Variants in PGF observed in about 807,000 individuals in gnomAD.
PGF encodes the protein placenta growth factor.
PGF carries 11 observed loss-of-function variants against 25.3 expected under a neutral mutation model. The ratio of observed to expected loss-of-function variants is 0.43; its 90% CI spans 0.27 to 0.72. The LOEUF (loss-of-function observed/expected upper bound fraction) is 0.72. Ranked by LOEUF, PGF falls within the 30% of genes least tolerant of loss-of-function variation. The pLI, the probability that PGF is intolerant of heterozygous loss-of-function variation, is 0.18. For missense variants in PGF, 230 were observed against 234.9 expected (o/e 0.98, Z 0.14); for synonymous variants, 105 against 97.9 (o/e 1.07, Z -0.43).
In PGF at chr14:74,955,178, A is replaced by G. The variant is rs1888958763; in HGVS notation, c.65T>C (p.Val22Ala). The G allele has an allele frequency of 6.8e-7, 1 of 1,478,750 alleles. No individual in the cohort carries two copies. The highest frequency in any genetic ancestry group is 2.8e-5 in the East Asian group (1 of 35,460). 91.6% of individuals were successfully genotyped at this position (1,478,750 alleles called of 1,614,324 possible). The change falls in exon 1 of 7, where the codon GTG becomes GCG. Residue 22 changes from valine (V) to alanine (A), a missense_variant. Transcript: ENST00000555567. This position sits in a 1 kb window ranked among gnomAD's most constrained non-coding sequence, Gnocchi z 4.1. ...QLLAGLALPA[V>A]PPQQWALSAG... is the part of the protein sequence containing the mutation. Reference sequence around the variant, plus strand: ...GGGGGTAGCTCTTACCTGGGGGGGCACAGCAGGCAGCGCCAGCCCGGCCAG... The same window carrying G: ...GGGGGTAGCTCTTACCTGGGGGGGCGCAGCAGGCAGCGCCAGCCCGGCCAG...
intron 4 of PGF, chr14:74,947,035 G>A (rs1449823160): frequency 1.7e-6 from 1 of 589,828 alleles, no homozygotes; most frequent in Non-Finnish European, 3.0e-6. Flanking sequence ...GGGAACAGTG[G>A]GTAGAGACAT....
rs1399129719 is a variant in PGF, at chr14:74,947,243, G to C, written c.393-835C>G. The C allele has an allele frequency of 2.2e-5, 6 of 277,456 alleles. No homozygotes were observed. The East Asian group carries it at 3.8e-4, about 18-fold the overall frequency. The allele number at this position is 277,456 out of a possible 1,614,324, so 17.2% of individuals were successfully genotyped here. A position where few individuals can be genotyped will look rare whatever the true frequency, so the allele number is the denominator to read the frequency against. On this transcript the variant is annotated intron_variant, in intron 4 of 6. Coordinates refer to ENST00000555567, the MANE Select transcript of PGF (RefSeq NM_002632.6). ...CCAAAAGAGTGGCTGTCAGGGCAAA[G>C]GGGATGGAGAAGGTGACTCTGGGTC...
In PGF at chr14:74,942,885, TGAG is replaced by T. The variant is rs1888637353; in HGVS notation, c.486-155_486-153del. The T allele has an allele frequency of 3.8e-5, 24 of 634,786 alleles. No homozygotes were observed. In the South Asian group the frequency reaches 4.9e-4, roughly 13 times the overall value. The allele number at this position is 634,786 out of a possible 1,614,324, so 39.3% of individuals were successfully genotyped here. ...TCCTGGGTCCCTGCTTGCTTCAAGC[TGAG>T]GAGAAGCTGGGAGCTACCCTTCACC... On this transcript the variant is annotated intron_variant, in intron 6 of 6. Coordinates refer to ENST00000555567, the MANE Select transcript of PGF (RefSeq NM_002632.6).
rs1310629812 is a variant in PGF, at chr14:74,950,534, T to G, written c.119-981A>C. Among the ~76,000 whole-genome samples the G allele has an allele frequency of 2.6e-5, 4 of 152,140 alleles. No homozygotes were observed. In the East Asian group the frequency reaches 7.7e-4, roughly 29 times the overall value. ...CTTTTGGGGGCTGATCTGGAATCCC[T>G]CAAAAGATGCTGCTCTTTCGGGGGA... is the stretch of plus-strand genomic sequence containing the variant. On this transcript the variant is annotated intron_variant, in intron 2 of 6. Transcript: ENST00000555567. This position sits in a 1 kb window ranked among gnomAD's most constrained non-coding sequence, Gnocchi z 4.1.
In PGF at chr14:74,953,866, C is replaced by T; in HGVS notation, c.118+38G>A. ...GGCTTGGGAGAAAGGAAGAGAGGGG[C>T]TTGGGGAGCATGCGTACCCCCAGCC... On this transcript the variant is annotated intron_variant, in intron 2 of 6. Coordinates refer to ENST00000555567, the MANE Select transcript of PGF (RefSeq NM_002632.6). The surrounding 1 kb of genome is among the most constrained non-coding windows in gnomAD (Gnocchi z 5.4). 2 of 1,606,638 alleles carry T rather than the reference C, an allele frequency of 1.2e-6. No homozygotes were observed. The highest frequency in any genetic ancestry group is 2.2e-5 in the East Asian group (1 of 44,850).
In PGF at chr14:74,955,172, G is replaced by A. The variant is rs775694930; in HGVS notation, c.71C>T (p.Pro24Leu). The change falls in exon 1 of 7, where the codon CCC becomes CTC. Residue 24 changes from proline to leucine, a missense_variant. By Grantham distance (98) the Pro-to-Leu change is moderately conservative (BLOSUM62 -3). Transcript: ENST00000555567. This position sits in a 1 kb window ranked among gnomAD's most constrained non-coding sequence, Gnocchi z 4.1. ...CTAGGTGGGGGTAGCTCTTACCTGGGGGGGCACAGCAGGCAGCGCCAGCCC... is the reference window on the plus strand; with the variant it reads ...CTAGGTGGGGGTAGCTCTTACCTGGAGGGGCACAGCAGGCAGCGCCAGCCC... ...LAGLALPAVP[P>L]QQWALSAGNG... 3 of 1,472,416 alleles carry A rather than the reference G, an allele frequency of 2.0e-6. No homozygotes were observed. The highest frequency in any genetic ancestry group is 1.8e-4 in the Middle Eastern group (1 of 5,676). The allele number at this position is 1,472,416 out of a possible 1,614,324, so 91.2% of individuals were successfully genotyped here.
In PGF at chr14:74,942,669, G is replaced by C. The variant is rs759137325; in HGVS notation, c.*37C>G. The C allele has an allele frequency of 8.1e-6, 13 of 1,604,684 alleles. No individual in the cohort carries two copies. The highest frequency in any genetic ancestry group is 1.0e-5 in the Non-Finnish European group (12 of 1,173,766). The stretch of plus-strand genomic sequence containing the variant: ...AAGAGTGTGACGGTAATAAATACAC[G>C]AGCCGGGTGCGGGGTCTCTCTCCTC... On this transcript the variant is annotated 3_prime_UTR_variant, in exon 7 of 7. Transcript: ENST00000555567.
At chr14:74,943,340 G>C (rs1402265892) in intron 6 of PGF, among the ~76,000 whole-genome samples, 2 of 152,126 alleles carry the variant, frequency 1.3e-5, no homozygotes, top group African/African-American at 4.8e-5. Context: ...AAAGTATTCT[G>C]AGGACATGAA....
Position 74,955,139 on chromosome 14 carries a change from G to A in PGF, c.75+29C>T. Reference sequence around the variant, plus strand: ...CAGTGCTGGGATGGGGAGGTCTGGGGAGCCAGGCTAGGTGGGGGTAGCTCT... The same window carrying A: ...CAGTGCTGGGATGGGGAGGTCTGGGAAGCCAGGCTAGGTGGGGGTAGCTCT... On this transcript the variant is annotated intron_variant, in intron 1 of 6. Coordinates refer to ENST00000555567, the MANE Select transcript of PGF (RefSeq NM_002632.6). This position sits in a 1 kb window ranked among gnomAD's most constrained non-coding sequence, Gnocchi z 4.1. 7.4e-7 allele frequency: 1 copy of A among 1,353,368 alleles called. No individual in the cohort carries two copies. The highest frequency in any genetic ancestry group is 9.8e-7 in the Non-Finnish European group (1 of 1,018,506). The allele number at this position is 1,353,368 out of a possible 1,614,324, so 83.8% of individuals were successfully genotyped here. A position where few individuals can be genotyped will look rare whatever the true frequency, so the allele number is the denominator to read the frequency against.
At chr14:74,943,611 A>G (rs897831045) in intron 6 of PGF, among the ~76,000 whole-genome samples, 1 of 152,222 alleles carries the variant, frequency 6.6e-6, no homozygotes, top group Non-Finnish European at 1.5e-5. Context: ...TCTCATCAAT[A>G]AAAAAATGAT....
Position 74,944,392 on chromosome 14 carries a change from G to A in PGF, c.486-1659C>T, listed in dbSNP as rs61759396. On this transcript the variant is annotated intron_variant, in intron 6 of 6. Transcript: ENST00000555567. ...GCTGGGATTACAGGTGTGAGCCACC[G>A]CGCCTGGCCTGCTTGTTCATTTTCT... is the stretch of plus-strand genomic sequence containing the variant. Among the ~76,000 whole-genome samples the A allele has an allele frequency of 2.3e-3, 352 of 152,098 alleles. 2 individuals are homozygous for A. Among genetic ancestry groups the A allele is most frequent in the African/African-American group, 7.5e-3 (311 of 41,458 alleles).
Position 74,949,376 on chromosome 14 carries a change from G to A in PGF, c.296C>T (p.Thr99Met), listed in dbSNP as rs1011228776. The A allele has an allele frequency of 7.6e-6, 12 of 1,577,036 alleles. No individual in the cohort carries two copies. The highest frequency in any genetic ancestry group is 6.8e-5 in the African/African-American group (5 of 73,866). ...DENLHCVPVE[T>M]ANVTMQLLKI... is the part of the protein sequence containing the mutation. ...ACCTACCTGCATGGTGACATTGGCCGTCTCCACCGGCACACAGTGCAGATT... is the reference window on the plus strand; with the variant it reads ...ACCTACCTGCATGGTGACATTGGCCATCTCCACCGGCACACAGTGCAGATT... Residue 99 changes from threonine (T) to methionine (M), a missense_variant, in exon 3 of 7, where the codon ACG becomes ATG. Transcript: ENST00000555567.
At chr14:74,954,205 C>T in intron 1 of PGF, 1 of 522,780 alleles carries the variant, frequency 1.9e-6, no homozygotes, top group South Asian at 2.4e-5. Flanking sequence ...GACCCTTGGC[C>T]TGCTGCATCC....
intron 2 of PGF, among the ~76,000 whole-genome samples, chr14:74,949,852 G>A (rs112852088): frequency 2.6e-4 from 39 of 152,332 alleles, no homozygotes; most frequent in African/African-American, 9.4e-4. Flanking sequence ...AGCCCCGGCA[G>A]CTACCCAGGC....
At chr14:74,952,616 TG>T (rs1888897355) in intron 2 of PGF, among the ~76,000 whole-genome samples, 1 of 152,216 alleles carries the variant, frequency 6.6e-6, no homozygotes, top group African/African-American at 2.4e-5. Context: ...TGTTAACAGG[TG>T]GGGATGCCAT....
Position 74,949,432 on chromosome 14 carries a change from C to G in PGF, c.240G>C (p.Leu80=). The G allele has an allele frequency of 6.2e-7, 1 of 1,612,158 alleles. No homozygotes were observed. Among genetic ancestry groups the G allele is most frequent in the East Asian group, 2.2e-5 (1 of 44,706 alleles). Residue 80 remains leucine, a synonymous_variant, in exon 3 of 7, where the codon CTG becomes CTC. Coordinates refer to ENST00000555567, the MANE Select transcript of PGF (RefSeq NM_002632.6). ...CGCCGCAGCAGCCGGTGCAGCGCAGCAGGGAGACACAGGATGGGCTGAACA... is the reference window on the plus strand; with the variant it reads ...CGCCGCAGCAGCCGGTGCAGCGCAGGAGGGAGACACAGGATGGGCTGAACA... ...EHMFSPSCVS[L]LRCTGCCGDE... is the part of the protein sequence containing the mutation.
Position 74,946,248 on chromosome 14 carries a change from C to G in PGF, c.450G>C (p.Arg150Ser), listed in dbSNP as rs144294831. 27 of 1,614,082 alleles carry G rather than the reference C, an allele frequency of 1.7e-5. No homozygotes were observed. Among genetic ancestry groups the G allele is most frequent in the Non-Finnish European group, 1.9e-5 (23 of 1,180,036 alleles). Residue 150 changes from arginine to serine, a missense_variant, in exon 6 of 7, where the codon AGG becomes AGC. Transcript: ENST00000555567. ...CTGTGGGTCTCTGCTTCTCTCTCCTCCTCTTCCCCCTGCCCTTGGGTCTCC... is the reference window on the plus strand; with the variant it reads ...CTGTGGGTCTCTGCTTCTCTCTCCTGCTCTTCCCCCTGCCCTTGGGTCTCC... Reference protein sequence around the residue: ...ERRRPKGRGKRRREKQRPTDC... With the variant: ...ERRRPKGRGKSRREKQRPTDC...
Position 74,953,206 on chromosome 14 carries a change from C to A in PGF, c.118+698G>T, listed in dbSNP as rs562180367. 7.9e-5 allele frequency among the ~76,000 whole-genome samples: 12 copies of A among 152,368 alleles called. No individual in the cohort carries two copies. The East Asian group carries it at 2.3e-3, about 29-fold the overall frequency. On this transcript the variant is annotated intron_variant, in intron 2 of 6. Transcript: ENST00000555567. This position sits in a 1 kb window ranked among gnomAD's most constrained non-coding sequence, Gnocchi z 5.4. ...ACGCGTGTGCGTGTGCATGTCCCTACATGCCCACTCTCCCATGGCGCAGGG... is the reference window on the plus strand; with the variant it reads ...ACGCGTGTGCGTGTGCATGTCCCTAAATGCCCACTCTCCCATGGCGCAGGG...
At chr14:74,945,971 A>T (rs1418732630) in intron 6 of PGF, 1 of 558,378 alleles carries the variant, frequency 1.8e-6, no homozygotes, top group Non-Finnish European at 3.2e-6. Context: ...GAGAAAAGCT[A>T]GGCTGACAAA....
Sources: allele counts gnomAD v4.1 joint callset (sites outside exome capture counted in the v4.1 genomes callset), GRCh38; gene constraint gnomAD v4.1.1; non-coding constraint Gnocchi (gnomAD v3.1); transcripts MANE v1.5; gene names NCBI Gene and HGNC (gene_info 2026-07-23, HGNC 2026-07-21).